Variants in DIAPH2 observed in about 807,000 individuals in gnomAD.
DIAPH2 encodes protein diaphanous homolog 2.
DIAPH2 carries 35 observed loss-of-function variants against 92.7 expected under a neutral mutation model. That is an observed-to-expected ratio of 0.38 (90% CI 0.29 to 0.50). The LOEUF (loss-of-function observed/expected upper bound fraction) is 0.50. DIAPH2 is among the 20% of genes least tolerant of loss of function. DIAPH2 has a pLI of 0.94. For missense variants in DIAPH2, 701 were observed against 819.5 expected, an observed-to-expected ratio of 0.86 and a Z score of 1.77; for synonymous variants, 301 against 280.4, an observed-to-expected ratio of 1.07 and a Z score of -0.73.
chrX:96,971,215 G>A (rs980584060), intron 17 of DIAPH2, among the ~76,000 whole-genome samples: 5 of 111,920 alleles, frequency 4.5e-5, no homozygotes, highest in African/African-American at 1.3e-4. Flanking sequence ...TAAAGATAGC[G>A]TGGTATAGTA....
intron 1 of DIAPH2, among the ~76,000 whole-genome samples, chrX:96,698,629 A>G (rs1305471418): frequency 9.0e-6 from 1 of 110,770 alleles, no homozygotes; most frequent in African/African-American, 3.3e-5. Context: ...AAAGCCCCTA[A>G]TTTTTAAAAA....
At chrX:96,877,683 A>G (rs2065189222) in intron 4 of DIAPH2, among the ~76,000 whole-genome samples, 1 of 112,316 alleles carries the variant, frequency 8.9e-6, no homozygotes, top group East Asian at 2.8e-4. Flanking sequence ...CTCCACTGCA[A>G]ACTAGAAGTG....
chrX:96,914,728 C>A (rs1301961581), intron 7 of DIAPH2, among the ~76,000 whole-genome samples: 1 of 110,189 alleles, frequency 9.1e-6, no homozygotes, highest in Non-Finnish European at 1.9e-5. Context: ...AAGAGTTTGG[C>A]AGTTTCGGAA....
chrX:96,894,700 G>A (rs1377087097), intron 5 of DIAPH2, among the ~76,000 whole-genome samples: 1 of 111,272 alleles, frequency 9.0e-6, no homozygotes, highest in East Asian at 2.8e-4. Flanking sequence ...CAATGATGTT[G>A]CTTTCTCCTG....
intron 26 of DIAPH2, among the ~76,000 whole-genome samples, chrX:97,552,016 G>C (rs899988894): frequency 9.0e-6 from 1 of 111,699 alleles, no homozygotes; most frequent in Non-Finnish European, 1.9e-5. Flanking sequence ...TAGATCAGAA[G>C]ACTCATTCTA....
chrX:96,974,860 T>C (rs2065950722), intron 17 of DIAPH2, among the ~76,000 whole-genome samples: 1 of 111,475 alleles, frequency 9.0e-6, no homozygotes. Context: ...GAAATAATAA[T>C]AAAATATGTA....
chrX:97,270,959 G>A (rs192105735), intron 23 of DIAPH2, among the ~76,000 whole-genome samples: 6 of 111,006 alleles, frequency 5.4e-5, no homozygotes, highest in South Asian at 7.6e-4. Flanking sequence ...GCTAGCAATC[G>A]CAGAGAAAAT....
intron 4 of DIAPH2, among the ~76,000 whole-genome samples, chrX:96,779,596 A>C (rs185341809): frequency 1.3e-3 from 145 of 112,441 alleles, no homozygotes; most frequent in African/African-American, 4.4e-3. Context: ...ATCAGATACA[A>C]GTCTTACTTC....
At position 97,102,576 on chromosome X, in the gene DIAPH2, T is replaced by G. The variant is rs777436226; in HGVS notation, c.2349+2781T>G. ...TTTGTCAGATTCTATGAGAAGCATG[T>G]TTACTTCCACCAACTTATGTATTCC... is the stretch of plus-strand genomic sequence containing the variant. On this transcript the variant is annotated intron_variant, in intron 20 of 26. Transcript: ENST00000324765. Among the ~76,000 whole-genome samples the G allele has an allele frequency of 1.2e-4, 14 of 112,192 alleles. No homozygotes were observed. The East Asian group carries it at 3.4e-3, about 27-fold the overall frequency.
In DIAPH2 at chrX:96,888,216, A is replaced by G. The variant is rs916757525; in HGVS notation, c.587+6498A>G. 2.7e-5 allele frequency among the ~76,000 whole-genome samples: 3 copies of G among 109,251 alleles called. No individual in the cohort carries two copies. The Admixed American group carries it at 3.0e-4, about 11-fold the overall frequency. The allele number at this position is 109,251 out of a possible 115,157, so 94.9% of individuals were successfully genotyped here. ...GCTGGGATTACAGGTGCCCGCCACC[A>G]TGCCTGGCTAATTTTTATATTTTTA... On this transcript the variant is annotated intron_variant, in intron 5 of 26. Transcript: ENST00000324765.
chrX:97,104,296 T>A (rs1238792563), intron 20 of DIAPH2, among the ~76,000 whole-genome samples: 3 of 111,904 alleles, frequency 2.7e-5, no homozygotes, highest in Non-Finnish European at 5.6e-5. Context: ...TATATGGCAT[T>A]TGATAACATA....
At chrX:96,949,115 G>T in intron 15 of DIAPH2, 76 bp downstream of exon 15, 2 of 614,702 alleles carry the variant, frequency 3.3e-6, no homozygotes, top group African/African-American at 2.3e-5. Flanking sequence ...TTATATAGAA[G>T]GAAAAATGTG....
intron 4 of DIAPH2, among the ~76,000 whole-genome samples, chrX:96,844,689 A>G (rs187664699): frequency 6.0e-4 from 67 of 112,288 alleles, no homozygotes; most frequent in Non-Finnish European, 1.1e-3. Context: ...CTTCCGTTTC[A>G]TATATTTTTG....
At chrX:97,253,293 A>AAAAAATAAAATAAAATAAAAT (rs748186406) in intron 23 of DIAPH2, among the ~76,000 whole-genome samples, 13 of 91,753 alleles carry the variant, frequency 1.4e-4, no homozygotes, top group East Asian at 3.4e-4. Flanking sequence ...CTCCGTAAAA[A>AAAAAATAAAATAAAATAAAAT]AAAATAAAAT....
intron 22 of DIAPH2, among the ~76,000 whole-genome samples, chrX:97,175,487 A>T (rs1469649016): frequency 4.5e-5 from 5 of 112,346 alleles, no homozygotes; most frequent in African/African-American, 1.6e-4. Flanking sequence ...AAATTTCTCA[A>T]AGGACTGCAT....
chrX:96,989,808 C>A (rs2066056697), intron 17 of DIAPH2, among the ~76,000 whole-genome samples: 1 of 111,732 alleles, frequency 8.9e-6, no homozygotes, highest in Non-Finnish European at 1.9e-5. Flanking sequence ...AGTTTCCCTT[C>A]TGTTTATGAT....
chrX:96,712,446 C>T (rs1048901210), intron 1 of DIAPH2, among the ~76,000 whole-genome samples: 1 of 110,909 alleles, frequency 9.0e-6, no homozygotes, highest in South Asian at 3.8e-4. Flanking sequence ...ACAACTGATG[C>T]CCCACCCTTT....
chrX:97,417,085 A>G (rs968634126), intron 25 of DIAPH2, among the ~76,000 whole-genome samples: 1 of 112,214 alleles, frequency 8.9e-6, no homozygotes, highest in African/African-American at 3.2e-5. Flanking sequence ...ATGTTATTAC[A>G]GGACTTGAAA....
intron 15 of DIAPH2, among the ~76,000 whole-genome samples, chrX:96,956,552 C>G (rs917242296): frequency 8.9e-6 from 1 of 111,924 alleles, no homozygotes; most frequent in Non-Finnish European, 1.9e-5. Flanking sequence ...CTTTTATGCT[C>G]TCTTCCTCTT....
Sources: gnomAD v4.1 joint callset for allele counts (sites outside exome capture counted in the v4.1 genomes callset) on GRCh38, gnomAD v4.1.1 for gene constraint, MANE v1.5 for transcripts, NCBI Gene and HGNC (gene_info 2026-07-23, HGNC 2026-07-21) for gene names.